Variants in WNT4 observed in about 807,000 individuals in gnomAD.
WNT4 encodes the protein Wnt family member 4.
In WNT4, 16 loss-of-function variants were observed where a neutral mutation model predicts 34.5. That is an observed-to-expected ratio of 0.46 (90% CI 0.31 to 0.70). WNT4 has a LOEUF of 0.70. WNT4 is among the 30% of genes least tolerant of loss of function. WNT4 has a pLI of 0.04. For synonymous variants in WNT4, 200 were observed against 211.9 expected (o/e 0.94, Z 0.49); for missense variants, 379 against 495.9 (o/e 0.76, Z 2.24).
rs1057376491 is a variant in WNT4, at chr1:22,139,271, C to T, written c.77+3575G>A. Among the ~76,000 whole-genome samples, 3 of 152,200 alleles carry T rather than the reference C, an allele frequency of 2.0e-5. No homozygotes were observed. Among genetic ancestry groups the T allele is most frequent in the Non-Finnish European group, 2.9e-5 (2 of 68,030 alleles). Reference sequence around the variant, plus strand: ...TGCTTCCGGCAGCTGCCAGGGCTGCCATTTCCATCAGCGTGCCTGGCCCAG... The same window carrying T: ...TGCTTCCGGCAGCTGCCAGGGCTGCTATTTCCATCAGCGTGCCTGGCCCAG... On this transcript the variant is annotated intron_variant, in intron 1 of 4. Coordinates refer to ENST00000290167, the MANE Select transcript of WNT4 (RefSeq NM_030761.5). This position sits in a 1 kb window ranked among gnomAD's most constrained non-coding sequence, Gnocchi z 4.6.
intron 1 of WNT4, among the ~76,000 whole-genome samples, chr1:22,130,666 C>T (rs1344291513): frequency 6.6e-6 from 1 of 152,220 alleles, no homozygotes; most frequent in Non-Finnish European, 1.5e-5. Context: ...GCCTCAGTTT[C>T]CTCATCTGTA....
chr1:22,140,232 G>A lies in WNT4; in HGVS notation c.77+2614C>T, dbSNP rs1646055777. 1.0e-6 allele frequency: 1 copy of A among 985,328 alleles called. No homozygotes were observed. Among genetic ancestry groups the A allele is most frequent in the South Asian group, 4.7e-5 (1 of 21,292 alleles). The allele number at this position is 985,328 out of a possible 1,614,324, so 61.0% of individuals were successfully genotyped here. A position where few individuals can be genotyped will look rare whatever the true frequency, so the allele number is the denominator to read the frequency against. On this transcript the variant is annotated intron_variant, in intron 1 of 4. Transcript: ENST00000290167. This position sits in a 1 kb window ranked among gnomAD's most constrained non-coding sequence, Gnocchi z 5.9. ...AGACACAGTGCCAGCCATCATGCCT[G>A]CATGGACACCTGCCTCCCCGAAGCT...
Position 22,118,376 on chromosome 1 carries a change from TC to T in WNT4, c.*1673del, listed in dbSNP as rs1399540658. 6.6e-6 allele frequency: 1 copy of T among 152,130 alleles called. No homozygotes were observed. Among genetic ancestry groups the T allele is most frequent in the Non-Finnish European group, 1.5e-5 (1 of 68,016 alleles). 9.4% of individuals were successfully genotyped at this position (152,130 alleles called of 1,614,324 possible). A position where few individuals can be genotyped will look rare whatever the true frequency, so the allele number is the denominator to read the frequency against. The stretch of plus-strand genomic sequence containing the variant: ...TCTGGAAAGTGGGCTTACAGCAACT[TC>T]CTCTGGTGATTGGGAGCCCATCTGA... On this transcript the variant is annotated 3_prime_UTR_variant, in exon 5 of 5. Transcript: ENST00000290167.
rs1397971003 is a variant in WNT4, at chr1:22,139,344, T to C, written c.77+3502A>G. 2.0e-5 allele frequency among the ~76,000 whole-genome samples: 3 copies of C among 152,180 alleles called. No homozygotes were observed. The highest frequency in any genetic ancestry group is 6.5e-5 in the Admixed American group (1 of 15,288). ...GCTCGCTCTTTCTTCCCAACCACCA[T>C]TGTGCACCATTTGCATCAGTGGGCT... On this transcript the variant is annotated intron_variant, in intron 1 of 4. Transcript: ENST00000290167. The surrounding 1 kb of genome is among the most constrained non-coding windows in gnomAD (Gnocchi z 4.6).
intron 4 of WNT4, among the ~76,000 whole-genome samples, 166 bp from the exon 5 acceptor site, chr1:22,120,683 A>G (rs923718678): frequency 6.6e-6 from 1 of 152,222 alleles, no homozygotes; most frequent in Non-Finnish European, 1.5e-5. Context: ...GCTGCTAAGC[A>G]GTGTTGTGAC....
Position 22,129,734 on chromosome 1 carries a change from G to A in WNT4, c.195C>T (p.Asp65=), listed in dbSNP as rs1645968429. 8 of 1,614,042 alleles carry A rather than the reference G, an allele frequency of 5.0e-6. No individual in the cohort carries two copies. The highest frequency in any genetic ancestry group is 2.2e-5 in the East Asian group (1 of 44,868). ...QMCKRNLEVM[D]SVRRGAQLAI... is the part of the protein sequence containing the mutation. ...CCAGCTGGGCACCGCGGCGCACCGA[G>A]TCCATGACTTCCAGGTTCCGCTTGC... is the stretch of plus-strand genomic sequence containing the variant. Residue 65 remains aspartate, a synonymous_variant, in exon 2 of 5, where the codon GAC becomes GAT. Transcript: ENST00000290167.
chr1:22,127,209 C>T (rs533713552), intron 2 of WNT4: 66 of 456,102 alleles, frequency 1.4e-4, no homozygotes, highest in South Asian at 8.4e-4. Context: ...ATTGGACGTT[C>T]GACTCCACCA....
rs924091975 is a variant in WNT4, at chr1:22,120,439, C to T, written c.667G>A (p.Ala223Thr). The T allele has an allele frequency of 1.9e-6, 3 of 1,613,598 alleles. No individual in the cohort carries two copies. The African/African-American group carries it at 4.0e-5, about 22-fold the overall frequency. The change falls in exon 5 of 5, where the codon GCC (alanine) becomes ACC (threonine). Residue 223 changes from alanine to threonine, a missense_variant. Around this residue, in one of 2 missense-constraint regions of WNT4, gnomAD observed 313 missense variants for 445.8 expected, o/e 0.70. Coordinates refer to ENST00000290167, the MANE Select transcript of WNT4 (RefSeq NM_030761.5). ...CCCACCTGGCGGAAGGGCGGCACGGCTCGCCAGCACGTCTTTACCTCACAG... is the reference window on the plus strand; with the variant it reads ...CCCACCTGGCGGAAGGGCGGCACGGTTCGCCAGCACGTCTTTACCTCACAG... ...GSCEVKTCWR[A>T]VPPFRQVGHA...
intron 2 of WNT4, among the ~76,000 whole-genome samples, chr1:22,126,800 A>G (rs901045404): frequency 6.6e-6 from 1 of 152,194 alleles, no homozygotes; most frequent in Admixed American, 6.5e-5. Context: ...CTTCCCATGC[A>G]TGAAATCACT....
intron 2 of WNT4, among the ~76,000 whole-genome samples, chr1:22,128,879 C>A (rs918623012): frequency 1.3e-5 from 2 of 151,946 alleles, no homozygotes; most frequent in African/African-American, 4.8e-5. Flanking sequence ...GCCACCACGC[C>A]CGGCTAATTT....
Position 22,121,446 on chromosome 1 carries a change from C to T in WNT4, c.444G>A (p.Gln148=). The change falls in exon 3 of 5, where the codon CAG becomes CAA. Residue 148 remains glutamine (Q), a splice_region_variant and synonymous_variant. Transcript: ENST00000290167. The part of the protein sequence containing the change: ...CDRTVHGVSP[Q]GFQWSGCSDN... ...ACTCTGACCACCTCCTGCACCTACC[C>T]TGTGGGCTGACCCCATGCACTGTCC... The T allele has an allele frequency of 1.2e-6, 2 of 1,614,036 alleles. No individual in the cohort carries two copies. The highest frequency in any genetic ancestry group is 1.7e-6 in the Non-Finnish European group (2 of 1,180,018).
rs1440639041 is a variant in WNT4 at position 22,120,011 on chromosome 1, G to A, written c.*39C>T. On this transcript the variant is annotated 3_prime_UTR_variant, in exon 5 of 5. Coordinates refer to ENST00000290167, the MANE Select transcript of WNT4 (RefSeq NM_030761.5). ...CTGTTTAAATTATCGGCCTTCCCTG[G>A]GCCACTAGGTGGTTGCCGGCGCAGG... 2 of 1,596,560 alleles carry A rather than the reference G, an allele frequency of 1.3e-6. No individual in the cohort carries two copies. The highest frequency in any genetic ancestry group is 2.2e-5 in the South Asian group (2 of 90,556).
At position 22,121,511 on chromosome 1, in the gene WNT4, C is replaced by T; in HGVS notation, c.379G>A (p.Ala127Thr). ...SAGVAFAVTR[A>T]CSSGELEKCG... Reference sequence around the variant, plus strand: ...TTCTCCAGCTCCCCACTGCTGCACGCCCGCGTCACTGCAAAGGCCACACCT... The same window carrying T: ...TTCTCCAGCTCCCCACTGCTGCACGTCCGCGTCACTGCAAAGGCCACACCT... The change falls in exon 3 of 5, where the codon GCG becomes ACG. Residue 127 changes from alanine (A) to threonine (T), a missense_variant. By Grantham distance (58) the Ala-to-Thr change is moderately conservative. This residue lies in a region of WNT4 where 313 missense variants were observed against 445.8 expected (regional missense o/e 0.70). Transcript: ENST00000290167. 1.2e-6 allele frequency: 2 copies of T among 1,614,062 alleles called. No individual in the cohort carries two copies. The highest frequency in any genetic ancestry group is 1.7e-6 in the Non-Finnish European group (2 of 1,180,032).
At chr1:22,132,396 C>T (rs1645991163) in intron 1 of WNT4, among the ~76,000 whole-genome samples, 1 of 152,178 alleles carries the variant, frequency 6.6e-6, no homozygotes, top group Non-Finnish European at 1.5e-5. Context: ...GCCTCTGACC[C>T]ACCATGACCT....
At chr1:22,130,795 T>G (rs1645977398) in intron 1 of WNT4, among the ~76,000 whole-genome samples, 1 of 152,200 alleles carries the variant, frequency 6.6e-6, no homozygotes, top group Non-Finnish European at 1.5e-5. Context: ...AGTCGCCATT[T>G]GTTTGCTGAA....
chr1:22,121,423 T>A (rs1319071269), intron 3 of WNT4, 22 bp downstream of exon 3: 1 of 1,613,820 alleles, frequency 6.2e-7, no homozygotes, highest in African/African-American at 1.3e-5. Flanking sequence ...GCCCTCCCAC[T>A]CTGACCACCT....
rs1483924877 is a variant in WNT4, at chr1:22,142,890, G to C, written c.33C>G (p.Arg11=). Reference sequence around the variant, plus strand: ...CTGAGAAGACGGCGAAGACGAGGAGGCGCAGCGAACGCAGGCACGAGCGGG... The same window carrying C: ...CTGAGAAGACGGCGAAGACGAGGAGCCGCAGCGAACGCAGGCACGAGCGGG... The part of the protein sequence containing the change: MSPRSCLRSL[R]LLVFAVFSAA... The change falls in exon 1 of 5, where the codon CGC becomes CGG. Residue 11 remains arginine (R), a synonymous_variant. Transcript: ENST00000290167. The surrounding 1 kb of genome is among the most constrained non-coding windows in gnomAD (Gnocchi z 6.0). 1.7e-6 allele frequency: 2 copies of C among 1,210,560 alleles called. No homozygotes were observed. Among genetic ancestry groups the C allele is most frequent in the African/African-American group, 3.3e-5 (2 of 60,942 alleles). The allele number at this position is 1,210,560 out of a possible 1,614,324, so 75.0% of individuals were successfully genotyped here.
At chr1:22,122,737 C>G in intron 2 of WNT4, among the ~76,000 whole-genome samples, 1 of 152,312 alleles carries the variant, frequency 6.6e-6, no homozygotes, top group East Asian at 1.9e-4. Context: ...CCTGTGCTCT[C>G]GGCTGCCCCA....
At chr1:22,136,213 G>A (rs1279764293) in intron 1 of WNT4, among the ~76,000 whole-genome samples, 2 of 103,022 alleles carry the variant, frequency 1.9e-5, no homozygotes, top group African/African-American at 4.0e-5. Context: ...TTCTCTCCCT[G>A]AGGCAGGTGT....
Sources: gnomAD v4.1 joint callset for allele counts (sites outside exome capture counted in the v4.1 genomes callset) on GRCh38, gnomAD v4.1.1 for gene constraint, gnomAD v4.1.1 regional missense constraint, Gnocchi (gnomAD v3.1) non-coding constraint, MANE v1.5 for transcripts, NCBI Gene and HGNC (gene_info 2026-07-23, HGNC 2026-07-21) for gene names.